Variants in FSTL5 observed in about 807,000 individuals in gnomAD.
FSTL5 encodes follistatin like 5.
A neutral mutation model predicts 89.1 loss-of-function variants in FSTL5; 62 were observed. That is an observed-to-expected ratio of 0.70 (90% CI 0.57 to 0.86). The LOEUF (loss-of-function observed/expected upper bound fraction) is 0.86, where lower values mean the gene tolerates loss of function less well. Among genes scored for constraint, FSTL5 ranks in the 40% least tolerant of loss-of-function variants. The probability of loss-of-function intolerance (pLI) is 0.00; values close to 1 mark genes in which losing one functional copy is unlikely to be tolerated. For missense variants in FSTL5, 1,057 were observed against 1,001.6 expected, an observed-to-expected ratio of 1.06 and a Z score of -0.75; for synonymous variants, 383 against 346.2, an observed-to-expected ratio of 1.11 and a Z score of -1.18.
At chr4:161,764,638 T>C (rs1009596610) in intron 5 of FSTL5, among the ~76,000 whole-genome samples, 4 of 151,874 alleles carry the variant, frequency 2.6e-5, no homozygotes, top group Non-Finnish European at 5.9e-5. Flanking sequence ...ATATAACATT[T>C]AAAAAAAATC....
chr4:161,514,820 A>G (rs1448499087), intron 10 of FSTL5, among the ~76,000 whole-genome samples: 2 of 152,122 alleles, frequency 1.3e-5, no homozygotes, highest in Non-Finnish European at 2.9e-5. Flanking sequence ...AGTTCATAAG[A>G]TCAATTATTT....
Position 161,627,413 on chromosome 4 carries a change from A to G in FSTL5, c.894+28915T>C, listed in dbSNP as rs190963612. On this transcript the variant is annotated intron_variant, in intron 7 of 15. Coordinates refer to ENST00000306100, the MANE Select transcript of FSTL5 (RefSeq NM_020116.5). ...TTTATACATAATGCCATCGTACTTA[A>G]TACACTTAATAGAATACATTATAGT... Among the ~76,000 whole-genome samples the G allele has an allele frequency of 4.0e-3, 603 of 152,316 alleles. 3 individuals are homozygous for G. The highest frequency in any genetic ancestry group is 0.017 in the Middle Eastern group (5 of 294).
chr4:161,571,783 C>T (rs1022199774), intron 8 of FSTL5, among the ~76,000 whole-genome samples: 2 of 152,062 alleles, frequency 1.3e-5, no homozygotes, highest in Non-Finnish European at 2.9e-5. Context: ...CTGTGGAGTG[C>T]ATTTCGTAAA....
chr4:162,001,485 G>A (rs1209710204), intron 3 of FSTL5, among the ~76,000 whole-genome samples: 1 of 152,092 alleles, frequency 6.6e-6, no homozygotes, highest in Non-Finnish European at 1.5e-5. Context: ...TTGTTTCTAT[G>A]AGATCTAGTT....
chr4:161,488,650 T>C (rs748227484), intron 12 of FSTL5, among the ~76,000 whole-genome samples: 3 of 152,138 alleles, frequency 2.0e-5, no homozygotes, highest in Non-Finnish European at 4.4e-5. Context: ...ACCTATCACA[T>C]GGCGTTATTG....
intron 10 of FSTL5, among the ~76,000 whole-genome samples, chr4:161,525,276 T>TG (rs1731178027): frequency 6.6e-6 from 1 of 152,200 alleles, no homozygotes; most frequent in African/African-American, 2.4e-5. Flanking sequence ...CATGTTTCTT[T>TG]GTTCCTCAAG....
chr4:162,040,231 T>G (rs554879950), intron 2 of FSTL5, among the ~76,000 whole-genome samples: 120 of 152,196 alleles, frequency 7.9e-4, no homozygotes, highest in Middle Eastern at 3.4e-3. Context: ...TGTTCTCATG[T>G]GCTATAAGGG....
At chr4:162,047,978 T>C (rs1365649899) in intron 2 of FSTL5, among the ~76,000 whole-genome samples, 1 of 152,290 alleles carries the variant, frequency 6.6e-6, no homozygotes, top group East Asian at 1.9e-4. Flanking sequence ...ATCAGCCTAA[T>C]TTTAACCAAA....
rs181468499 is a variant in FSTL5 at position 161,692,237 on chromosome 4, A to G, written c.728-35743T>C. Reference sequence around the variant, plus strand: ...GATTTTCATAAATATTCTTTATCACATTAAGGAAGCTATCATTCATTTTTA... The same window carrying G: ...GATTTTCATAAATATTCTTTATCACGTTAAGGAAGCTATCATTCATTTTTA... On this transcript the variant is annotated intron_variant, in intron 6 of 15. Coordinates refer to ENST00000306100, the MANE Select transcript of FSTL5 (RefSeq NM_020116.5). 8.9e-4 allele frequency among the ~76,000 whole-genome samples: 135 copies of G among 152,138 alleles called. 1 individual carries two copies. The Middle Eastern group carries it at 0.01, about 11-fold the overall frequency.
chr4:161,620,500 C>CA (rs935542890), intron 7 of FSTL5, among the ~76,000 whole-genome samples: 14 of 151,782 alleles, frequency 9.2e-5, no homozygotes, highest in African/African-American at 3.4e-4. Context: ...ACTAAAAATA[C>CA]AAAAAATTAG....
intron 7 of FSTL5, among the ~76,000 whole-genome samples, chr4:161,617,705 A>G (rs1284062714): frequency 6.6e-6 from 1 of 152,230 alleles, no homozygotes; most frequent in African/African-American, 2.4e-5. Flanking sequence ...AACAAAAAAG[A>G]CCTGAGAATG....
At chr4:161,429,636 G>A (rs1732284350) in intron 15 of FSTL5, among the ~76,000 whole-genome samples, 1 of 152,180 alleles carries the variant, frequency 6.6e-6, no homozygotes, top group African/African-American at 2.4e-5. Flanking sequence ...TGCAGGAGCC[G>A]CAGTGTTACT....
intron 3 of FSTL5, among the ~76,000 whole-genome samples, chr4:161,985,078 T>G (rs1735926146): frequency 2.6e-5 from 4 of 151,902 alleles, no homozygotes; most frequent in Admixed American, 2.6e-4. Flanking sequence ...TGCTTCAGCC[T>G]CCGGAGTAGT....
chr4:161,486,732 C>A (rs184426557), intron 12 of FSTL5, among the ~76,000 whole-genome samples: 18 of 152,064 alleles, frequency 1.2e-4, no homozygotes, highest in African/African-American at 4.3e-4. Context: ...GAAATACAAC[C>A]GTCAACACAG....
intron 7 of FSTL5, among the ~76,000 whole-genome samples, chr4:161,596,465 G>A (rs1734013214): frequency 6.6e-6 from 1 of 151,700 alleles, no homozygotes; most frequent in African/African-American, 2.4e-5. Flanking sequence ...AATATTATTA[G>A]ATAATAAATG....
Position 161,906,234 on chromosome 4 carries a change from T to C in FSTL5, c.409+14170A>G, listed in dbSNP as rs548632445. On this transcript the variant is annotated intron_variant, in intron 4 of 15. Transcript: ENST00000306100. ...ATCAGGAATAATAACCATACTTTCT[T>C]TCTTTAGTACTAGTTATCGGCGGTT... Among the ~76,000 whole-genome samples the C allele has an allele frequency of 3.0e-4, 46 of 152,302 alleles. 1 individual carries two copies. Among genetic ancestry groups the C allele is most frequent in the Admixed American group, 1.0e-3 (16 of 15,284 alleles).
intron 4 of FSTL5, among the ~76,000 whole-genome samples, chr4:161,797,851 G>A (rs917921240): frequency 6.6e-6 from 1 of 151,548 alleles, no homozygotes; most frequent in Non-Finnish European, 1.5e-5. Flanking sequence ...TAAAATATGT[G>A]AAAGAAATGC....
intron 3 of FSTL5, among the ~76,000 whole-genome samples, chr4:161,988,202 C>T (rs745958622): frequency 6.6e-6 from 1 of 151,662 alleles, no homozygotes; most frequent in Non-Finnish European, 1.5e-5. Context: ...TTTGTCCCAT[C>T]GTATTCAGCA....
At chr4:162,135,298 G>A (rs1732480679) in intron 1 of FSTL5, among the ~76,000 whole-genome samples, 1 of 151,622 alleles carries the variant, frequency 6.6e-6, no homozygotes, top group Non-Finnish European at 1.5e-5. Flanking sequence ...TTTCAATAAG[G>A]TAGTTTTTCT....
Sources: allele counts gnomAD v4.1 joint callset (sites outside exome capture counted in the v4.1 genomes callset), GRCh38; gene constraint gnomAD v4.1.1; transcripts MANE v1.5; gene names NCBI Gene and HGNC (gene_info 2026-07-23, HGNC 2026-07-21).